The following TEC variants were observed in gnomAD, a reference collection of about 807,000 sequenced individuals.
TEC encodes the protein tyrosine-protein kinase Tec.
TEC carries 72 observed loss-of-function variants against 93.0 expected under a neutral mutation model. That is an observed-to-expected ratio of 0.77 (90% CI 0.64 to 0.94). The LOEUF (loss-of-function observed/expected upper bound fraction) is 0.94. Among genes scored for constraint, TEC ranks in the 40% least tolerant of loss-of-function variants. The pLI, the probability that TEC is intolerant of heterozygous loss-of-function variation, is 0.00. For synonymous variants in TEC, 249 were observed against 247.7 expected, an observed-to-expected ratio of 1.01 and a Z score of -0.05; for missense variants, 630 against 757.9, an observed-to-expected ratio of 0.83 and a Z score of 1.98.
intron 4 of TEC, among the ~76,000 whole-genome samples, chr4:48,170,630 T>C (rs1465297075): frequency 1.3e-5 from 2 of 152,238 alleles, no homozygotes; most frequent in African/African-American, 2.4e-5. Flanking sequence ...AAAGTCAACC[T>C]GCCACCATTT....
chr4:48,268,527 T>C (rs187272720), intron 1 of TEC, among the ~76,000 whole-genome samples: 2 of 152,358 alleles, frequency 1.3e-5, no homozygotes, highest in East Asian at 3.9e-4. Context: ...AATGTGAAAG[T>C]TACCCATACT....
intron 2 of TEC, among the ~76,000 whole-genome samples, chr4:48,222,799 T>C (rs1723310314): frequency 6.6e-6 from 1 of 152,148 alleles, no homozygotes; most frequent in Non-Finnish European, 1.5e-5. Context: ...ATCACCAGCT[T>C]TCCTGGGTCT....
intron 15 of TEC, among the ~76,000 whole-genome samples, chr4:48,139,263 G>A (rs1719563885): frequency 1.3e-5 from 2 of 152,228 alleles, no homozygotes; most frequent in South Asian, 4.1e-4. Flanking sequence ...TCATTTTTCT[G>A]TTTTTCTTTC....
intron 3 of TEC, among the ~76,000 whole-genome samples, chr4:48,175,180 G>A (rs1399709994): frequency 6.6e-6 from 1 of 152,214 alleles, no homozygotes; most frequent in African/African-American, 2.4e-5. Context: ...CGGAGAATAA[G>A]CCAGGAGCTT....
intron 7 of TEC, among the ~76,000 whole-genome samples, chr4:48,166,865 A>T (rs1720890762): frequency 6.6e-6 from 1 of 151,628 alleles, no homozygotes; most frequent in Non-Finnish European, 1.5e-5. Flanking sequence ...CAAGCAGAAG[A>T]AAAGGACCCC....
chr4:48,268,912 C>A (rs1724708756), intron 1 of TEC, among the ~76,000 whole-genome samples: 1 of 152,150 alleles, frequency 6.6e-6, no homozygotes, highest in South Asian at 2.1e-4. Context: ...TGTTTCCAAA[C>A]CTGGTACACA....
intron 7 of TEC, 41 bp from the exon 8 acceptor site, chr4:48,163,808 G>T: frequency 9.0e-7 from 1 of 1,108,386 alleles, no homozygotes. Context: ...TTACTTTACT[G>T]GGAGGTTATT....
chr4:48,179,376 A>ATATATTT (rs1560393438), intron 2 of TEC, among the ~76,000 whole-genome samples: 7 of 21,162 alleles, frequency 3.3e-4, no homozygotes, highest in Admixed American at 8.0e-4. Context: ...ATATATATAT[A>ATATATTT]TTTTTTTTTT....
intron 2 of TEC, among the ~76,000 whole-genome samples, chr4:48,197,847 T>C (rs1422032990): frequency 6.6e-6 from 1 of 152,186 alleles, no homozygotes; most frequent in East Asian, 1.9e-4. Context: ...CAGCCAGAGA[T>C]AAGAATTTAA....
intron 1 of TEC, among the ~76,000 whole-genome samples, chr4:48,267,559 A>G (rs1310119234): frequency 6.6e-6 from 1 of 152,250 alleles, no homozygotes; most frequent in Non-Finnish European, 1.5e-5. Flanking sequence ...TTTTTCCAAC[A>G]GACTTGAATG....
At chr4:48,193,092 T>TA (rs1722148783) in intron 2 of TEC, among the ~76,000 whole-genome samples, 2 of 152,148 alleles carry the variant, frequency 1.3e-5, no homozygotes, top group Non-Finnish European at 2.9e-5. Context: ...GCTGAGCAGT[T>TA]AGACTTTTCT....
At chr4:48,218,233 T>C (rs1723142237) in intron 2 of TEC, among the ~76,000 whole-genome samples, 1 of 152,226 alleles carries the variant, frequency 6.6e-6, no homozygotes, top group Non-Finnish European at 1.5e-5. Context: ...ATATGAGTTT[T>C]CAAGGCATAA....
intron 12 of TEC, 78 bp from the exon 13 acceptor site, chr4:48,145,657 A>G: frequency 2.0e-6 from 3 of 1,492,854 alleles, no homozygotes; most frequent in Admixed American, 1.8e-5. Flanking sequence ...AAAAGAACCT[A>G]CAACCAAGAT....
chr4:48,141,566 CT>C, intron 14 of TEC, 147 bp from the exon 15 acceptor site: 2 of 660,086 alleles, frequency 3.0e-6, no homozygotes, highest in African/African-American at 1.8e-5. Flanking sequence ...GTTTTTACCC[CT>C]ATGGAAGTAT....
At chr4:48,237,367 A>G (rs1362878442) in intron 1 of TEC, among the ~76,000 whole-genome samples, 1 of 151,710 alleles carries the variant, frequency 6.6e-6, no homozygotes, top group Non-Finnish European at 1.5e-5. Flanking sequence ...TTAAAAAAAT[A>G]GCTGGTGACT....
At chr4:48,259,315 A>G (rs1447914203) in intron 1 of TEC, among the ~76,000 whole-genome samples, 1 of 152,188 alleles carries the variant, frequency 6.6e-6, no homozygotes, top group Admixed American at 6.5e-5. Context: ...AACCCCTGTG[A>G]CTCATGTTTG....
At chr4:48,149,989 T>C (rs16861067) in intron 10 of TEC, among the ~76,000 whole-genome samples, 9,230 of 152,296 alleles carry the variant, frequency 0.061, 940 homozygotes, top group African/African-American at 0.21. Flanking sequence ...CTACTGCTTT[T>C]TGTTCCTGCT....
At chr4:48,231,126 T>C (rs189811368) in intron 1 of TEC, among the ~76,000 whole-genome samples, 270 of 152,294 alleles carry the variant, frequency 1.8e-3, no homozygotes, top group Non-Finnish European at 3.2e-3. Context: ...GGAGGAGCCC[T>C]GAGCATCATG....
At chr4:48,172,565 G>A (rs1253037405) in intron 3 of TEC, among the ~76,000 whole-genome samples, 1 of 151,914 alleles carries the variant, frequency 6.6e-6, no homozygotes, top group Admixed American at 6.6e-5. Context: ...CCTCCAAAGT[G>A]CTAGGATTAC....
Sources: gnomAD v4.1 joint callset for allele counts (sites outside exome capture counted in the v4.1 genomes callset) on GRCh38, gnomAD v4.1.1 for gene constraint, MANE v1.5 for transcripts, NCBI Gene and HGNC (gene_info 2026-07-23, HGNC 2026-07-21) for gene names.